The following CEP162 variants were observed in gnomAD, a reference collection of about 807,000 sequenced individuals.
The protein encoded by CEP162 is centrosomal protein of 162 kDa.
CEP162 carries 141 observed loss-of-function variants against 169.2 expected under a neutral mutation model. That is an observed-to-expected ratio of 0.83 (90% CI 0.73 to 0.96). CEP162 has a LOEUF of 0.96. CEP162 is among the 40% of genes least tolerant of loss of function. CEP162 has a pLI of 0.00. For missense variants in CEP162, 1,600 were observed against 1,587.2 expected (o/e 1.01, Z -0.14); for synonymous variants, 540 against 526.4 (o/e 1.03, Z -0.35).
chr6:84,227,470 G>A (rs1396937386), intron 1 of CEP162, 110 bp downstream of exon 1: 1 of 152,240 alleles, frequency 6.6e-6, no homozygotes, highest in East Asian at 1.9e-4. Flanking sequence ...TGGGCTCCGG[G>A]CGGAGAAGGG....
intron 9 of CEP162, among the ~76,000 whole-genome samples, chr6:84,199,208 A>G (rs114049765): frequency 6.6e-6 from 1 of 152,222 alleles, no homozygotes; most frequent in African/African-American, 2.4e-5. Flanking sequence ...AACAGCAGTA[A>G]AACTGAGGGA....
chr6:84,192,736 T>C (rs980510400), intron 11 of CEP162, among the ~76,000 whole-genome samples: 2 of 152,160 alleles, frequency 1.3e-5, no homozygotes, highest in Non-Finnish European at 2.9e-5. Flanking sequence ...GACCTGACAA[T>C]GTAAGTGGTT....
intron 9 of CEP162, among the ~76,000 whole-genome samples, chr6:84,196,662 C>T (rs2099542288): frequency 6.6e-6 from 1 of 152,080 alleles, no homozygotes; most frequent in Non-Finnish European, 1.5e-5. Context: ...TCTTCATACC[C>T]ATGGTTAATT....
At chr6:84,218,818 A>C (rs1028168098) in intron 3 of CEP162, among the ~76,000 whole-genome samples, 11 of 152,218 alleles carry the variant, frequency 7.2e-5, no homozygotes. Context: ...AGATGCTTCA[A>C]ATGAAAAAGT....
chr6:84,144,095 T>C (rs1048128762), intron 25 of CEP162, among the ~76,000 whole-genome samples: 1 of 152,054 alleles, frequency 6.6e-6, no homozygotes, highest in Non-Finnish European at 1.5e-5. Flanking sequence ...AATCAAATTA[T>C]AAATTATTTT....
chr6:84,221,056 CCAT>C lies in CEP162; in HGVS notation c.170_172del (p.Asp57del). ...TGAAACTAAAAATCAGCAACATTTA[CCAT>C]CATCTTTAAAATCATCTTCAGTTAT... On this transcript the variant is annotated inframe_deletion and splice_region_variant, in exon 3 of 27. Coordinates refer to ENST00000403245, the MANE Select transcript of CEP162 (RefSeq NM_014895.4). 1 of 1,497,078 alleles carries C rather than the reference CCAT, an allele frequency of 6.7e-7. No individual in the cohort carries two copies. The highest frequency in any genetic ancestry group is 9.3e-7 in the Non-Finnish European group (1 of 1,076,790). The allele number at this position is 1,497,078 out of a possible 1,614,324, so 92.7% of individuals were successfully genotyped here.
chr6:84,169,896 T>C (rs1156563127), intron 17 of CEP162, among the ~76,000 whole-genome samples: 1 of 152,132 alleles, frequency 6.6e-6, no homozygotes, highest in Non-Finnish European at 1.5e-5. Flanking sequence ...CCAGAGATAT[T>C]ATAGAAGGAG....
intron 3 of CEP162, among the ~76,000 whole-genome samples, chr6:84,216,519 G>C (rs920330249): frequency 3.3e-5 from 5 of 152,152 alleles, no homozygotes; most frequent in African/African-American, 1.2e-4. Flanking sequence ...TGTGCATACT[G>C]TTGGGGACGG....
rs1212289866 is a variant in CEP162, at chr6:84,126,405, A to T, written c.3978T>A (p.His1326Gln). Residue 1326 changes from histidine (H) to glutamine (Q), a missense_variant, in exon 26 of 27, where the codon CAT becomes CAA. By Grantham distance (24) the His-to-Gln change is conservative. Coordinates refer to ENST00000403245, the MANE Select transcript of CEP162 (RefSeq NM_014895.4). ...EKKIKQMEMR[H>Q]AQREQELQQI... ...GTTGAAGTTCCTGTTCTCTTTGTGC[A>T]TGTCTCATTTCCATCTGCTTAATTT... The T allele has an allele frequency of 6.2e-7, 1 of 1,603,350 alleles. No individual in the cohort carries two copies. The highest frequency in any genetic ancestry group is 1.7e-5 in the Admixed American group (1 of 58,592).
At chr6:84,170,491 GAT>G (rs148401456) in intron 17 of CEP162, among the ~76,000 whole-genome samples, 9,166 of 150,462 alleles carry the variant, frequency 0.061, 892 homozygotes, top group African/African-American at 0.21. Flanking sequence ...GGAGAAAGAG[GAT>G]ATATATATAT....
At chr6:84,174,268 C>T (rs2099531392) in intron 15 of CEP162, 80 bp from the exon 16 acceptor site, 3 of 1,107,164 alleles carry the variant, frequency 2.7e-6, no homozygotes, top group Non-Finnish European at 3.8e-6. Context: ...CAGGAAACTC[C>T]TATTTAGATC....
intron 2 of CEP162, among the ~76,000 whole-genome samples, 198 bp downstream of exon 2, chr6:84,226,139 C>G (rs1200396823): frequency 6.6e-6 from 1 of 151,800 alleles, no homozygotes; most frequent in African/African-American, 2.4e-5. Context: ...AATGCTGGAC[C>G]ATGAGTTGAG....
intron 3 of CEP162, among the ~76,000 whole-genome samples, chr6:84,218,839 G>C (rs150676902): frequency 0.011 from 1,621 of 152,294 alleles, 32 homozygotes; most frequent in African/African-American, 0.037. Flanking sequence ...ATATGCCAAG[G>C]TTGGTGTGCT....
rs1435043526 is a variant in CEP162 at position 84,213,114 on chromosome 6, A to G, written c.504-90T>C. 8.0e-6 allele frequency: 6 copies of G among 746,752 alleles called. No homozygotes were observed. In the Admixed American group the frequency reaches 1.3e-4, roughly 16 times the overall value. The allele number at this position is 746,752 out of a possible 1,614,324, so 46.3% of individuals were successfully genotyped here. The stretch of plus-strand genomic sequence containing the variant: ...TGTATACCGTTTTAAAAAATCCCTA[A>G]AATTATACATGTCCTCTCTCAAGTC... On this transcript the variant is annotated intron_variant, in intron 5 of 26. Transcript: ENST00000403245.
intron 9 of CEP162, among the ~76,000 whole-genome samples, chr6:84,197,064 T>C (rs1462645885): frequency 1.3e-5 from 2 of 152,042 alleles, no homozygotes; most frequent in Non-Finnish European, 1.5e-5. Context: ...AAATATCAGG[T>C]TGAGCAAGTA....
chr6:84,159,473 G>A (rs1407920484), intron 21 of CEP162, among the ~76,000 whole-genome samples: 3 of 132,662 alleles, frequency 2.3e-5, no homozygotes, highest in Non-Finnish European at 4.6e-5. Context: ...AAGCAATGCT[G>A]GACTATACTT....
chr6:84,154,318 A>ATCTG (rs2099522240), intron 22 of CEP162, among the ~76,000 whole-genome samples: 2 of 135,788 alleles, frequency 1.5e-5, no homozygotes, highest in African/African-American at 7.4e-5. Flanking sequence ...AGGGATATCT[A>ATCTG]TCTATCTATC....
chr6:84,162,774 A>T (rs773093551), intron 19 of CEP162, among the ~76,000 whole-genome samples: 21 of 152,070 alleles, frequency 1.4e-4, no homozygotes, highest in South Asian at 1.0e-3. Context: ...TCTTTATAAA[A>T]CCCAGTGCAC....
chr6:84,129,083 A>C (rs1224630259), intron 25 of CEP162, among the ~76,000 whole-genome samples: 1 of 152,018 alleles, frequency 6.6e-6, no homozygotes. Context: ...TCTTTATCCA[A>C]TCTATCATTG....
Sources: allele counts gnomAD v4.1 joint callset (sites outside exome capture counted in the v4.1 genomes callset), GRCh38; gene constraint gnomAD v4.1.1; transcripts MANE v1.5; gene names NCBI Gene and HGNC (gene_info 2026-07-23, HGNC 2026-07-21).